PPARGC1A: variants seen among roughly 807,000 people sequenced by gnomAD.
The protein encoded by PPARGC1A is PPARG coactivator 1 alpha, also known as peroxisome proliferator-activated receptor gamma coactivator 1-alpha.
Under a neutral mutation model 88.7 loss-of-function variants are expected in PPARGC1A, and 25 were observed. The ratio of observed to expected loss-of-function variants is 0.28; its 90% CI spans 0.21 to 0.39. PPARGC1A has a LOEUF of 0.39. Ranked by LOEUF, PPARGC1A falls within the 10% of genes least tolerant of loss-of-function variation. The pLI is 1.00. For missense variants in PPARGC1A, 880 were observed against 968.7 expected (o/e 0.91, Z 1.22); for synonymous variants, 363 against 355.6 (o/e 1.02, Z -0.24).
At chr4:23,890,893 G>A (rs551849339), upstream of PPARGC1A, among the ~76,000 whole-genome samples, 13 of 152,072 alleles carry the variant, frequency 8.5e-5, no homozygotes, top group South Asian at 2.1e-4. Context: ...TTTGATTCCC[G>A]GCTCCTATTT....
the PPARGC1A span, among the ~76,000 whole-genome samples, chr4:24,210,983 C>T: frequency 6.6e-6 from 1 of 152,188 alleles, no homozygotes; most frequent in Non-Finnish European, 1.5e-5. Flanking sequence ...CATTTTAAAG[C>T]ACTTCAGATT....
the PPARGC1A span, among the ~76,000 whole-genome samples, chr4:24,407,723 G>A: frequency 1.1e-4 from 17 of 152,196 alleles, no homozygotes; most frequent in African/African-American, 4.1e-4. Context: ...TAGGGGGTCT[G>A]AGCCTCAGTC....
the PPARGC1A span, among the ~76,000 whole-genome samples, chr4:24,113,347 CTTTA>C: frequency 3.0e-4 from 45 of 151,506 alleles, no homozygotes; most frequent in African/African-American, 1.1e-3. Flanking sequence ...GAACAACCTC[CTTTA>C]TTTTAGCCCA....
chr4:24,098,192 C>A, the PPARGC1A span, among the ~76,000 whole-genome samples: 2 of 152,124 alleles, frequency 1.3e-5, no homozygotes, highest in African/African-American at 4.8e-5. Context: ...TCTTTAAATT[C>A]TTGATTCACT....
the PPARGC1A span, among the ~76,000 whole-genome samples, chr4:24,190,469 C>T: frequency 6.6e-6 from 1 of 152,018 alleles, no homozygotes; most frequent in African/African-American, 2.4e-5. Flanking sequence ...GAGCCGAGAT[C>T]GCACCACTGC....
chr4:23,836,346 A>G (rs1343191296), intron 2 of PPARGC1A, among the ~76,000 whole-genome samples: 4 of 152,170 alleles, frequency 2.6e-5, no homozygotes, highest in African/African-American at 9.7e-5. Flanking sequence ...GGTGGGTGTC[A>G]ACCTTGGGTT....
At chr4:24,255,596 T>C in the PPARGC1A span, among the ~76,000 whole-genome samples, 5 of 152,192 alleles carry the variant, frequency 3.3e-5, no homozygotes, top group Admixed American at 2.0e-4. Flanking sequence ...GAACCCTCCT[T>C]GCTGATGAGA....
chr4:24,065,063 C>T, the PPARGC1A span, among the ~76,000 whole-genome samples: 1,012 of 152,288 alleles, frequency 6.6e-3, 33 homozygotes, highest in East Asian at 0.12. Context: ...CTCACTTCTT[C>T]GTTTCCATGG....
the PPARGC1A span, among the ~76,000 whole-genome samples, chr4:24,207,383 T>C: frequency 6.6e-6 from 1 of 152,226 alleles, no homozygotes; most frequent in African/African-American, 2.4e-5. Context: ...CCAATTTCAC[T>C]TTTATAAAAC....
At chr4:24,344,532 GC>G in the PPARGC1A span, among the ~76,000 whole-genome samples, 2 of 151,588 alleles carry the variant, frequency 1.3e-5, no homozygotes, top group African/African-American at 4.8e-5. Flanking sequence ...ATATTCGTTG[GC>G]CATTTGTATA....
the PPARGC1A span, among the ~76,000 whole-genome samples, chr4:24,303,904 T>C: frequency 6.6e-6 from 1 of 152,204 alleles, no homozygotes; most frequent in Non-Finnish European, 1.5e-5. Context: ...TAAAAGTAAA[T>C]GGCAGAAAGA....
chr4:24,304,582 G>GTCTA, the PPARGC1A span, among the ~76,000 whole-genome samples: 1 of 152,250 alleles, frequency 6.6e-6, no homozygotes, highest in African/African-American at 2.4e-5. Flanking sequence ...TGGCTCCAGA[G>GTCTA]TCTATACCTG....
the PPARGC1A span, among the ~76,000 whole-genome samples, chr4:24,369,076 T>C: frequency 1.3e-5 from 2 of 152,070 alleles, no homozygotes; most frequent in African/African-American, 4.8e-5. Context: ...CCACTAATTA[T>C]CTCTTCCCAA....
intron 2 of PPARGC1A, chr4:23,879,829 C>T (rs1715560427): frequency 6.6e-6 from 1 of 152,162 alleles, no homozygotes; most frequent in African/African-American, 2.4e-5. Context: ...AGACTCTAAA[C>T]ATTTCCAACT....
chr4:23,824,391 T>A, intron 6 of PPARGC1A, 38 bp from the exon 7 acceptor site: 3 of 1,609,098 alleles, frequency 1.9e-6, no homozygotes, highest in Non-Finnish European at 2.6e-6. Flanking sequence ...CAAACTGAAA[T>A]GGAGTTGCTG....
chr4:23,885,097 T>G (rs1404282828), intron 1 of PPARGC1A, among the ~76,000 whole-genome samples, 166 bp from the exon 2 acceptor site: 2 of 152,210 alleles, frequency 1.3e-5, no homozygotes, highest in African/African-American at 4.8e-5. Flanking sequence ...AAATCTTTAC[T>G]CACTTGGCTC....
chr4:24,096,470 G>T, the PPARGC1A span, among the ~76,000 whole-genome samples: 1 of 152,154 alleles, frequency 6.6e-6, no homozygotes, highest in East Asian at 1.9e-4. Flanking sequence ...CATTTCTGTT[G>T]TCAACACCAT....
the PPARGC1A span, among the ~76,000 whole-genome samples, chr4:23,974,702 C>T: frequency 2.0e-5 from 3 of 151,322 alleles, no homozygotes; most frequent in South Asian, 2.1e-4. Flanking sequence ...GCGTGATCTC[C>T]GGTCACTGCA....
chr4:23,859,242 CA>C (rs1201027057), intron 2 of PPARGC1A, among the ~76,000 whole-genome samples: 2 of 152,082 alleles, frequency 1.3e-5, no homozygotes, highest in Non-Finnish European at 2.9e-5. Flanking sequence ...ATGTCAGTCC[CA>C]AGTTAGGCCA....
Sources: allele counts gnomAD v4.1 joint callset (sites outside exome capture counted in the v4.1 genomes callset), GRCh38; gene constraint gnomAD v4.1.1; transcripts MANE v1.5; gene names NCBI Gene and HGNC (gene_info 2026-07-23, HGNC 2026-07-21).